ACVR1: variants seen among roughly 807,000 people sequenced by gnomAD.
The protein encoded by ACVR1 is activin A receptor type 1, also known as activin receptor type-1.
ACVR1 carries 38 observed loss-of-function variants against 57.1 expected under a neutral mutation model. The observed-to-expected ratio is 0.67, with a 90% confidence interval of 0.51 to 0.87. The LOEUF (loss-of-function observed/expected upper bound fraction) is 0.87, where lower values mean the gene tolerates loss of function less well. Ranked by LOEUF, ACVR1 falls within the 40% of genes least tolerant of loss-of-function variation. The pLI, the probability that ACVR1 is intolerant of heterozygous loss-of-function variation, is 0.00. For missense variants in ACVR1, 463 were observed against 638.2 expected, an observed-to-expected ratio of 0.73 and a Z score of 2.96; for synonymous variants, 212 against 228.1, an observed-to-expected ratio of 0.93 and a Z score of 0.63.
intron 9 of ACVR1, among the ~76,000 whole-genome samples, chr2:157,756,832 G>A (rs1288057704): frequency 1.6e-4 from 24 of 151,450 alleles, no homozygotes; most frequent in Non-Finnish European, 2.7e-4. Flanking sequence ...GTCACTATAC[G>A]AAGAAGATAC....
At chr2:157,776,684 G>A (rs1383689680) in intron 5 of ACVR1, among the ~76,000 whole-genome samples, 1 of 152,142 alleles carries the variant, frequency 6.6e-6, no homozygotes, top group East Asian at 1.9e-4. Context: ...CCAAATGTCT[G>A]TGACAACCTG....
At chr2:157,752,589 C>T (rs1292523572) in intron 9 of ACVR1, among the ~76,000 whole-genome samples, 1 of 152,156 alleles carries the variant, frequency 6.6e-6, no homozygotes, top group Non-Finnish European at 1.5e-5. Flanking sequence ...AGATTAACAG[C>T]AGATTTCTCA....
chr2:157,865,170 T>C (rs1669872698), intron 1 of ACVR1, among the ~76,000 whole-genome samples: 1 of 147,546 alleles, frequency 6.8e-6, no homozygotes, highest in Non-Finnish European at 1.5e-5. Flanking sequence ...ACTGAGAGAA[T>C]CAACAAATTA....
At chr2:157,825,185 G>A (rs1688300815) in intron 1 of ACVR1, among the ~76,000 whole-genome samples, 1 of 152,140 alleles carries the variant, frequency 6.6e-6, no homozygotes, top group Admixed American at 6.5e-5. Flanking sequence ...GTTAACTGAT[G>A]TTACCAATTA....
intron 1 of ACVR1, among the ~76,000 whole-genome samples, chr2:157,848,739 C>G (rs1356138941): frequency 6.6e-6 from 1 of 152,180 alleles, no homozygotes; most frequent in African/African-American, 2.4e-5. Context: ...CACCTCATAT[C>G]TTAAAAGTCA....
intron 1 of ACVR1, among the ~76,000 whole-genome samples, chr2:157,855,252 TAA>T (rs1191166089): frequency 4.8e-5 from 5 of 104,242 alleles, no homozygotes; most frequent in African/African-American, 1.1e-4. Flanking sequence ...CCTCGTCTCT[TAA>T]AAAAAAAAAA....
chr2:157,752,404 T>C (rs1270979215), intron 9 of ACVR1, among the ~76,000 whole-genome samples: 4 of 152,158 alleles, frequency 2.6e-5, no homozygotes, highest in African/African-American at 9.7e-5. Context: ...CAAGGTTCTT[T>C]AACAACCTCC....
chr2:157,819,038 A>G (rs1044658134), intron 1 of ACVR1, among the ~76,000 whole-genome samples: 1 of 118,988 alleles, frequency 8.4e-6, no homozygotes, highest in African/African-American at 3.2e-5. Flanking sequence ...AGATCCCGCC[A>G]CTGCACTCCA....
chr2:157,814,480 T>C (rs2105324570), intron 2 of ACVR1, among the ~76,000 whole-genome samples: 1 of 152,338 alleles, frequency 6.6e-6, no homozygotes, highest in South Asian at 2.1e-4. Flanking sequence ...TTGGGAGTCA[T>C]ACTTGACAGG....
At chr2:157,763,723 T>G (rs376728522) in intron 8 of ACVR1, among the ~76,000 whole-genome samples, 2 of 152,202 alleles carry the variant, frequency 1.3e-5, no homozygotes, top group African/African-American at 4.8e-5. Context: ...TTAATCAATA[T>G]AATACTGATC....
At chr2:157,828,011 G>A (rs972227997) in intron 1 of ACVR1, among the ~76,000 whole-genome samples, 1 of 152,094 alleles carries the variant, frequency 6.6e-6, no homozygotes, top group African/African-American at 2.4e-5. Flanking sequence ...AACAGCAAGG[G>A]GTATTCTTTA....
chr2:157,868,960 G>A (rs1390567850), intron 1 of ACVR1, among the ~76,000 whole-genome samples: 1 of 152,316 alleles, frequency 6.6e-6, no homozygotes, highest in African/African-American at 2.4e-5. Context: ...TGAATGCAAA[G>A]AGCTGTCCCT....
chr2:157,766,278 G>A, intron 7 of ACVR1, 82 bp from the exon 8 acceptor site: 2 of 1,406,026 alleles, frequency 1.4e-6, no homozygotes, highest in Non-Finnish European at 1.0e-6. Flanking sequence ...GACCTACACA[G>A]TAAATGTCAT....
rs1684628286 is a variant in ACVR1 at position 157,738,515 on chromosome 2, A to G, written c.1320T>C (p.Ser440=). 6.2e-7 allele frequency: 1 copy of G among 1,613,976 alleles called. No homozygotes were observed. The highest frequency in any genetic ancestry group is 1.3e-5 in the African/African-American group (1 of 74,910). The change falls in exon 10 of 11, where the codon AGT becomes AGC. Residue 440 remains serine (S), a synonymous_variant. Coordinates refer to ENST00000434821, the MANE Select transcript of ACVR1 (RefSeq NM_001111067.4). ...AGACTACCTTCCTCATATCTTCAAA[A>G]CTTGGGTCATTGGGAACCACATCGT... ...PFYDVVPNDP[S]FEDMRKVVCV...
At chr2:157,756,935 G>T (rs979032160) in intron 9 of ACVR1, among the ~76,000 whole-genome samples, 1 of 148,730 alleles carries the variant, frequency 6.7e-6, no homozygotes, top group Non-Finnish European at 1.5e-5. Context: ...AAGAAATTGT[G>T]AGCTATCTAT....
chr2:157,811,787 CCAACAA>C (rs763161183), intron 2 of ACVR1, among the ~76,000 whole-genome samples: 3 of 150,346 alleles, frequency 2.0e-5, no homozygotes, highest in East Asian at 3.9e-4. Flanking sequence ...AAAACACCCT[CCAACAA>C]CAACAACAAC....
Position 157,765,970 on chromosome 2 carries a change from G to A in ACVR1, c.1017C>T (p.Ser339=), listed in dbSNP as rs1277777976. 1 of 1,614,078 alleles carries A rather than the reference G, an allele frequency of 6.2e-7. No individual in the cohort carries two copies. Among genetic ancestry groups the A allele is most frequent in the Admixed American group, 1.7e-5 (1 of 60,012 alleles). ...CATTCTTCTTAACCAGAATATTTTT[G>A]CTCTTTAAATCTCGATGGGCAATGG... ...KPAIAHRDLK[S]KNILVKKNGQ... The change falls in exon 8 of 11, where the codon AGC becomes AGT. Residue 339 remains serine (S), a synonymous_variant. Coordinates refer to ENST00000434821, the MANE Select transcript of ACVR1 (RefSeq NM_001111067.4).
chr2:157,774,695 A>G (rs1686210629), intron 5 of ACVR1, among the ~76,000 whole-genome samples: 1 of 152,218 alleles, frequency 6.6e-6, no homozygotes, highest in Admixed American at 6.5e-5. Context: ...GAATACTAGA[A>G]GCTAGCACTT....
chr2:157,814,336 T>C (rs1386232703), intron 2 of ACVR1, among the ~76,000 whole-genome samples: 1 of 152,152 alleles, frequency 6.6e-6, no homozygotes, highest in East Asian at 1.9e-4. Flanking sequence ...CATAGAAAGA[T>C]AACTAGAAAT....
Sources: gnomAD v4.1 joint callset for allele counts (sites outside exome capture counted in the v4.1 genomes callset) on GRCh38, gnomAD v4.1.1 for gene constraint, MANE v1.5 for transcripts, NCBI Gene and HGNC (gene_info 2026-07-23, HGNC 2026-07-21) for gene names.